FRMPD4: variants seen among roughly 807,000 people sequenced by gnomAD.
FRMPD4 encodes the protein FERM and PDZ domain containing 4.
FRMPD4 carries 22 observed loss-of-function variants against 94.1 expected under a neutral mutation model. The ratio of observed to expected loss-of-function variants is 0.23; its 90% CI spans 0.17 to 0.33. FRMPD4 has a LOEUF of 0.33. Among genes scored for constraint, FRMPD4 ranks in the 10% least tolerant of loss-of-function variants. The pLI is 1.00. For missense variants in FRMPD4, 1,111 were observed against 1,339.9 expected, an observed-to-expected ratio of 0.83 and a Z score of 2.67; for synonymous variants, 631 against 548.6, an observed-to-expected ratio of 1.15 and a Z score of -2.10.
At chrX:12,227,505 A>G (rs990432638) in intron 1 of FRMPD4, among the ~76,000 whole-genome samples, 2 of 111,984 alleles carry the variant, frequency 1.8e-5, no homozygotes, top group African/African-American at 6.5e-5. Context: ...GGTTAGATTG[A>G]GAATGGCTTT....
rs2056469911 is a variant in FRMPD4, at chrX:12,189,865, G to A, written c.41+50853G>A. On this transcript the variant is annotated intron_variant, in intron 1 of 16. Coordinates refer to ENST00000675598, the MANE Select transcript of FRMPD4 (RefSeq NM_001368397.1). ...CACCACTGCTTTTTAACATTGTACA[G>A]GAAAGTCCTAGATATGGCAATAAGA... 2.7e-5 allele frequency among the ~76,000 whole-genome samples: 3 copies of A among 111,230 alleles called. No homozygotes were observed. In the South Asian group the frequency reaches 1.1e-3, roughly 42 times the overall value.
intron 1 of FRMPD4, among the ~76,000 whole-genome samples, chrX:12,170,742 G>A (rs1175713245): frequency 8.9e-6 from 1 of 112,620 alleles, no homozygotes; most frequent in African/African-American, 3.2e-5. Context: ...TTGGCTCTGG[G>A]GCCTGAGTAA....
chrX:11,897,610 A>G (rs1044350746), intron 3 of FRMPD4, among the ~76,000 whole-genome samples: 20 of 112,259 alleles, frequency 1.8e-4, no homozygotes, highest in Middle Eastern at 4.6e-3. Flanking sequence ...TTCTCTGATG[A>G]TTAAAGCTTT....
At chrX:12,262,219 T>C (rs982266371) in intron 1 of FRMPD4, among the ~76,000 whole-genome samples, 9 of 112,116 alleles carry the variant, frequency 8.0e-5, no homozygotes, top group African/African-American at 2.9e-4. Flanking sequence ...GTAGCTACAA[T>C]AGCCTGTTTG....
At position 12,209,139 on chromosome X, in the gene FRMPD4, G is replaced by A. The variant is rs59326901; in HGVS notation, c.41+70127G>A. 9.9e-3 allele frequency among the ~76,000 whole-genome samples: 1,105 copies of A among 111,321 alleles called. 11 individuals carry two copies. Among genetic ancestry groups the A allele is most frequent in the African/African-American group, 0.033 (1,004 of 30,681 alleles). On this transcript the variant is annotated intron_variant, in intron 1 of 16. Transcript: ENST00000675598. ...GTCCTCTTATAAATTAGTCCTGTCCGTCTTGAATCAATATATAAATTAAGT... is the reference window on the plus strand; with the variant it reads ...GTCCTCTTATAAATTAGTCCTGTCCATCTTGAATCAATATATAAATTAAGT...
chrX:12,451,733 CGTGTGTGTGTGT>C (rs72300557), intron 1 of FRMPD4, among the ~76,000 whole-genome samples: 48 of 98,828 alleles, frequency 4.9e-4, no homozygotes, highest in African/African-American at 9.9e-4. Flanking sequence ...TGTGTATGCC[CGTGTGTGTGTGT>C]GTGTGTGTGT....
chrX:12,012,890 C>G (rs2054588081), intron 3 of FRMPD4, among the ~76,000 whole-genome samples: 3 of 112,165 alleles, frequency 2.7e-5, no homozygotes, highest in South Asian at 7.4e-4. Flanking sequence ...GTTGAGAAAA[C>G]TTCATGAACA....
At chrX:12,483,721 GAAGTC>G (rs2057712428) in intron 1 of FRMPD4, among the ~76,000 whole-genome samples, 1 of 111,874 alleles carries the variant, frequency 8.9e-6, no homozygotes, top group Admixed American at 9.5e-5. Flanking sequence ...AACCCATGCT[GAAGTC>G]AAGTAAATTA....
At chrX:12,183,965 A>G (rs1980753962) in intron 1 of FRMPD4, among the ~76,000 whole-genome samples, 1 of 110,005 alleles carries the variant, frequency 9.1e-6, no homozygotes, top group Non-Finnish European at 1.9e-5. Context: ...AATCAAAGAC[A>G]TGTTCTCTTT....
intron 1 of FRMPD4, among the ~76,000 whole-genome samples, chrX:12,477,108 T>C (rs2057611129): frequency 8.9e-6 from 1 of 111,892 alleles, no homozygotes; most frequent in African/African-American, 3.3e-5. Flanking sequence ...ATATACACCA[T>C]GGAATACTAT....
chrX:11,852,917 A>G (rs2053633326), intron 1 of FRMPD4, among the ~76,000 whole-genome samples: 1 of 112,061 alleles, frequency 8.9e-6, no homozygotes, highest in African/African-American at 3.2e-5. Context: ...CTAGATATCT[A>G]CAGAACTCTG....
At chrX:11,860,289 T>C (rs909950612) in intron 1 of FRMPD4, among the ~76,000 whole-genome samples, 9 of 112,194 alleles carry the variant, frequency 8.0e-5, no homozygotes, top group Non-Finnish European at 1.1e-4. Context: ...TAATCACCTT[T>C]TTGATTGACA....
At chrX:12,527,097 C>T (rs893937028) in intron 2 of FRMPD4, among the ~76,000 whole-genome samples, 2 of 112,099 alleles carry the variant, frequency 1.8e-5, no homozygotes, top group Non-Finnish European at 3.8e-5. Flanking sequence ...ATAAGCAATT[C>T]CTAAAGAAAA....
chrX:12,454,578 C>T (rs181838279), intron 1 of FRMPD4, among the ~76,000 whole-genome samples: 455 of 108,827 alleles, frequency 4.2e-3, no homozygotes, highest in Middle Eastern at 9.4e-3. Context: ...TGATCAAGAC[C>T]AGATTTCCCA....
At chrX:12,454,108 T>C (rs1426509046) in intron 1 of FRMPD4, among the ~76,000 whole-genome samples, 1 of 112,313 alleles carries the variant, frequency 8.9e-6, no homozygotes, top group Non-Finnish European at 1.9e-5. Context: ...TCTTAGAATA[T>C]TCAAAAATAG....
chrX:12,265,741 C>A (rs950930389), intron 1 of FRMPD4, among the ~76,000 whole-genome samples: 4 of 105,537 alleles, frequency 3.8e-5, no homozygotes, highest in Non-Finnish European at 7.8e-5. Flanking sequence ...GTGATTAGAT[C>A]TCAGTTAAGA....
intron 1 of FRMPD4, among the ~76,000 whole-genome samples, chrX:12,463,936 T>A (rs148728868): frequency 0.02 from 2,177 of 110,576 alleles, 45 homozygotes; most frequent in African/African-American, 0.066. Context: ...CTGTTTTTCA[T>A]GAATAAAGTT....
intron 1 of FRMPD4, among the ~76,000 whole-genome samples, chrX:12,168,849 T>C (rs2056172210): frequency 9.0e-6 from 1 of 111,203 alleles, no homozygotes; most frequent in Admixed American, 9.5e-5. Context: ...ATGGTCTCCA[T>C]TTCCTGACCT....
At chrX:11,842,565 A>G (rs1438716781) in intron 1 of FRMPD4, among the ~76,000 whole-genome samples, 231 of 82,035 alleles carry the variant, frequency 2.8e-3, no homozygotes, top group East Asian at 0.012. Context: ...TTATTGGTGT[A>G]TAAGAATGCT....
Sources: allele counts gnomAD v4.1 joint callset (sites outside exome capture counted in the v4.1 genomes callset), GRCh38; gene constraint gnomAD v4.1.1; transcripts MANE v1.5; gene names NCBI Gene and HGNC (gene_info 2026-07-23, HGNC 2026-07-21).